ADRA1A: variants seen among roughly 807,000 people sequenced by gnomAD.
The protein encoded by ADRA1A is alpha-1A adrenergic receptor.
Under a neutral mutation model 29.6 loss-of-function variants are expected in ADRA1A, and 31 were observed. That is an observed-to-expected ratio of 1.05 (90% CI 0.79 to 1.41). The LOEUF (loss-of-function observed/expected upper bound fraction) is 1.41, where lower values mean the gene tolerates loss of function less well. Ranked by LOEUF, ADRA1A falls within the 40% of genes most tolerant of loss-of-function variation. The pLI is 0.00. For missense variants in ADRA1A, 619 were observed against 601.1 expected, an observed-to-expected ratio of 1.03 and a Z score of -0.31; for synonymous variants, 311 against 254.3, an observed-to-expected ratio of 1.22 and a Z score of -2.12.
chr8:26,838,352 C>T (rs1211385699), intron 2 of ADRA1A, among the ~76,000 whole-genome samples: 9 of 152,266 alleles, frequency 5.9e-5, no homozygotes, highest in Middle Eastern at 6.8e-3. Flanking sequence ...CACCACCTTC[C>T]GAGGCTTAGT....
At chr8:26,835,356 C>T (rs889932538) in intron 2 of ADRA1A, among the ~76,000 whole-genome samples, 1 of 152,154 alleles carries the variant, frequency 6.6e-6, no homozygotes. Flanking sequence ...GTGTATTAGT[C>T]TGTTCTCAAA....
intron 2 of ADRA1A, among the ~76,000 whole-genome samples, chr8:26,840,887 G>A (rs1811768209): frequency 6.6e-6 from 1 of 152,196 alleles, no homozygotes; most frequent in African/African-American, 2.4e-5. Context: ...AATGACAGGA[G>A]AATTATGGCT....
At chr8:26,843,325 A>G (rs1052766206) in intron 2 of ADRA1A, among the ~76,000 whole-genome samples, 4 of 152,206 alleles carry the variant, frequency 2.6e-5, no homozygotes, top group African/African-American at 9.7e-5. Flanking sequence ...AGCTCAGTGA[A>G]CATTAGACTC....
chr8:26,766,099 C>G (rs548457901), downstream of ADRA1A: 4 of 1,613,774 alleles, frequency 2.5e-6, no homozygotes, highest in South Asian at 4.4e-5. Flanking sequence ...AATTCACATG[C>G]TTGATATGCT....
rs1299996047 is a variant in ADRA1A, at chr8:26,825,155, C to T, written c.883+38932G>A. Reference sequence around the variant, plus strand: ...AGAGACCCCCAGCCCCCACATGTCCCACCCTGAGCTTGCTAGGCCTTCCAG... The same window carrying T: ...AGAGACCCCCAGCCCCCACATGTCCTACCCTGAGCTTGCTAGGCCTTCCAG... On this transcript the variant is annotated intron_variant, in intron 2 of 2. Coordinates refer to ENST00000380573, the MANE Select transcript of ADRA1A (RefSeq NM_000680.4). The surrounding 1 kb of genome is among the most constrained non-coding windows in gnomAD (Gnocchi z 5.7). Among the ~76,000 whole-genome samples, 4 of 152,194 alleles carry T rather than the reference C, an allele frequency of 2.6e-5. No homozygotes were observed. The highest frequency in any genetic ancestry group is 4.8e-5 in the African/African-American group (2 of 41,440).
downstream of ADRA1A, among the ~76,000 whole-genome samples, chr8:26,762,784 A>G (rs1238384887): frequency 1.3e-5 from 2 of 152,178 alleles, no homozygotes; most frequent in East Asian, 3.9e-4. This position sits in a 1 kb window ranked among gnomAD's most constrained non-coding sequence, Gnocchi z 4.0. Context: ...GCCCCATCTC[A>G]GAGCTCTGCT....
chr8:26,788,512 A>G (rs1807573974), intron 2 of ADRA1A, among the ~76,000 whole-genome samples: 1 of 152,184 alleles, frequency 6.6e-6, no homozygotes. Context: ...GAGGGTGATG[A>G]TGGTGGCACT....
At chr8:26,760,383 C>T (rs562877493) in intron 2 of ADRA1A, among the ~76,000 whole-genome samples, 52 of 152,254 alleles carry the variant, frequency 3.4e-4, no homozygotes, top group African/African-American at 1.0e-3. Flanking sequence ...TTCAGAAGGT[C>T]GAAATTAAGA....
At position 26,845,241 on chromosome 8, in the gene ADRA1A, T is replaced by G. The variant is rs543147577; in HGVS notation, c.883+18846A>C. On this transcript the variant is annotated intron_variant, in intron 2 of 2. Transcript: ENST00000380573. ...ATTAATAACCCCTGCAACTCAACAA[T>G]AAAAAGACAAATAACCCAATTAAAA... 2.0e-5 allele frequency among the ~76,000 whole-genome samples: 3 copies of G among 152,030 alleles called. No individual in the cohort carries two copies. The South Asian group carries it at 6.2e-4, about 32-fold the overall frequency.
intron 2 of ADRA1A, among the ~76,000 whole-genome samples, chr8:26,819,336 A>G (rs1204734179): frequency 6.6e-6 from 1 of 151,966 alleles, no homozygotes; most frequent in African/African-American, 2.4e-5. Flanking sequence ...AGGGATACTA[A>G]TAAGTAATTT....
At position 26,831,812 on chromosome 8, in the gene ADRA1A, G is replaced by A. The variant is rs766412431; in HGVS notation, c.883+32275C>T. ...CCTTGCATCTTCTTTGCTGTCTAGT[G>A]CTCCTTGTCATGGTCTCTGGGGCTG... is the stretch of plus-strand genomic sequence containing the variant. On this transcript the variant is annotated intron_variant, in intron 2 of 2. Coordinates refer to ENST00000380573, the MANE Select transcript of ADRA1A (RefSeq NM_000680.4). The surrounding 1 kb of genome is among the most constrained non-coding windows in gnomAD (Gnocchi z 5.2). Among the ~76,000 whole-genome samples the A allele has an allele frequency of 6.6e-6, 1 of 152,190 alleles. No individual in the cohort carries two copies. The highest frequency in any genetic ancestry group is 1.5e-5 in the Non-Finnish European group (1 of 68,030).
intron 2 of ADRA1A, among the ~76,000 whole-genome samples, chr8:26,826,778 C>T (rs576748331): frequency 2.0e-5 from 3 of 152,234 alleles, no homozygotes; most frequent in South Asian, 2.1e-4. Context: ...CAAGCCTTGC[C>T]TAGGGCGAGG....
chr8:26,840,122 C>T (rs61761853), intron 2 of ADRA1A, among the ~76,000 whole-genome samples: 405 of 152,296 alleles, frequency 2.7e-3, no homozygotes, highest in Non-Finnish European at 4.5e-3. Context: ...CAAGAACATT[C>T]GAATGGATGC....
Position 26,831,538 on chromosome 8 carries a change from G to A in ADRA1A, c.883+32549C>T, listed in dbSNP as rs1043199378. ...TGGAAAGGGTGTAGAGGTCACGGAA[G>A]TGTCAGGTCACACCCAATGTCCTAG... On this transcript the variant is annotated intron_variant, in intron 2 of 2. Coordinates refer to ENST00000380573, the MANE Select transcript of ADRA1A (RefSeq NM_000680.4). The surrounding 1 kb of genome is among the most constrained non-coding windows in gnomAD (Gnocchi z 5.2). Among the ~76,000 whole-genome samples, 6 of 152,166 alleles carry A rather than the reference G, an allele frequency of 3.9e-5. No homozygotes were observed. Among genetic ancestry groups the A allele is most frequent in the Admixed American group, 2.0e-4 (3 of 15,286 alleles).
rs146414033 is a variant in ADRA1A at position 26,820,015 on chromosome 8, G to A, written c.883+44072C>T. ...ATCTGTCACCACAGAAAAAAAGGTC[G>A]TTATATAATGATAAAGGGGTCAATT... is the stretch of plus-strand genomic sequence containing the variant. On this transcript the variant is annotated intron_variant, in intron 2 of 2. Coordinates refer to ENST00000380573, the MANE Select transcript of ADRA1A (RefSeq NM_000680.4). Among the ~76,000 whole-genome samples the A allele has an allele frequency of 8.1e-3, 1,237 of 152,188 alleles. 11 individuals are homozygous for A. The highest frequency in any genetic ancestry group is 0.021 in the African/African-American group (872 of 41,530).
chr8:26,791,364 A>G (rs1807818586), intron 2 of ADRA1A, among the ~76,000 whole-genome samples: 1 of 152,168 alleles, frequency 6.6e-6, no homozygotes, highest in Non-Finnish European at 1.5e-5. Flanking sequence ...TAAATTTCAT[A>G]AGGTTTTTGA....
intron 2 of ADRA1A, among the ~76,000 whole-genome samples, chr8:26,855,441 T>C (rs1298553664): frequency 6.7e-6 from 1 of 149,080 alleles, no homozygotes; most frequent in Non-Finnish European, 1.5e-5. Flanking sequence ...AAAACTGCTG[T>C]ATAAAAAGTG....
intron 2 of ADRA1A, among the ~76,000 whole-genome samples, chr8:26,758,749 A>G (rs1229554075): frequency 6.6e-6 from 1 of 152,208 alleles, no homozygotes; most frequent in Non-Finnish European, 1.5e-5. Flanking sequence ...GGTCACGTTT[A>G]GCAAGCTAAG....
downstream of ADRA1A, among the ~76,000 whole-genome samples, chr8:26,763,599 G>GTTGAGAACATGAATTTAACATGAAT (rs59698077): frequency 6.6e-6 from 1 of 151,820 alleles, no homozygotes; most frequent in Admixed American, 6.6e-5. This position sits in a 1 kb window ranked among gnomAD's most constrained non-coding sequence, Gnocchi z 4.5. Context: ...ACTCATGCAG[G>GTTGAGAACATGAATTTAACATGAAT]TTAGCCAAGT....
Sources: allele counts gnomAD v4.1 joint callset (sites outside exome capture counted in the v4.1 genomes callset), GRCh38; gene constraint gnomAD v4.1.1; non-coding constraint Gnocchi (gnomAD v3.1); transcripts MANE v1.5; gene names NCBI Gene and HGNC (gene_info 2026-07-23, HGNC 2026-07-21).